MAP2K6: variants seen among roughly 807,000 people sequenced by gnomAD.
MAP2K6 encodes dual specificity mitogen-activated protein kinase kinase 6.
Under a neutral mutation model 53.7 loss-of-function variants are expected in MAP2K6, and 16 were observed. The observed-to-expected ratio is 0.30, with a 90% CI of 0.20 to 0.45. The LOEUF is 0.45. Among genes scored for constraint, MAP2K6 ranks in the 20% least tolerant of loss-of-function variants. The probability of loss-of-function intolerance (pLI) is 1.00; values close to 1 mark genes in which losing one functional copy is unlikely to be tolerated. For missense variants in MAP2K6, 204 were observed against 411.9 expected, an observed-to-expected ratio of 0.50 and a Z score of 4.37; for synonymous variants, 132 against 143.1, an observed-to-expected ratio of 0.92 and a Z score of 0.55.
intron 1 of MAP2K6, among the ~76,000 whole-genome samples, chr17:69,463,766 C>G (rs1907708893): frequency 6.6e-6 from 1 of 151,728 alleles, no homozygotes; most frequent in Non-Finnish European, 1.5e-5. Flanking sequence ...TAAGCTATAA[C>G]CAACAATTTG....
chr17:69,526,505 A>C, intron 9 of MAP2K6, 65 bp from the exon 10 acceptor site: 2 of 1,561,134 alleles, frequency 1.3e-6, no homozygotes, highest in South Asian at 2.4e-5. Flanking sequence ...CACAAATGAA[A>C]CGTGGGTGAT....
At chr17:69,527,819 T>A (rs1388470004) in intron 10 of MAP2K6, among the ~76,000 whole-genome samples, 1 of 152,090 alleles carries the variant, frequency 6.6e-6, no homozygotes, top group Non-Finnish European at 1.5e-5. Context: ...TCAGCCTCCA[T>A]GGTTTTTAGA....
intron 1 of MAP2K6, among the ~76,000 whole-genome samples, chr17:69,469,134 T>G (rs1441316033): frequency 2.0e-5 from 3 of 152,188 alleles, no homozygotes; most frequent in Non-Finnish European, 4.4e-5. Context: ...TGGCTGTCAG[T>G]TGAGGACTGT....
chr17:69,541,645 TA>T (rs770026686), intron 11 of MAP2K6, 30 bp from the exon 12 acceptor site: 1 of 1,523,726 alleles, frequency 6.6e-7, no homozygotes, highest in African/African-American at 1.4e-5. Flanking sequence ...AGTAAGACAT[TA>T]ATACCATGTT....
rs1404850552 is a variant in MAP2K6 at position 69,441,030 on chromosome 17, C to A, written c.16+26030C>A. Among the ~76,000 whole-genome samples the A allele has an allele frequency of 9.9e-5, 15 of 152,046 alleles. No individual in the cohort carries two copies. In the East Asian group the frequency reaches 2.3e-3, roughly 23 times the overall value. ...TATGTGTGTGTGCAGATAATATATA[C>A]CTTTCTCAAATGTCAGCCATTACAT... On this transcript the variant is annotated intron_variant, in intron 1 of 11. Transcript: ENST00000590474.
chr17:69,538,395 T>C (rs1238810314), intron 11 of MAP2K6, among the ~76,000 whole-genome samples: 1 of 152,214 alleles, frequency 6.6e-6, no homozygotes, highest in Non-Finnish European at 1.5e-5. Context: ...TGTTATAAAA[T>C]CATGTCAGTC....
intron 1 of MAP2K6, among the ~76,000 whole-genome samples, chr17:69,415,815 CTG>C (rs1395969934): frequency 6.6e-6 from 1 of 152,188 alleles, no homozygotes; most frequent in Non-Finnish European, 1.5e-5. Flanking sequence ...AAGTGTGTAA[CTG>C]CGTGTATTTA....
At chr17:69,534,825 T>C (rs940755808) in intron 10 of MAP2K6, among the ~76,000 whole-genome samples, 1 of 152,176 alleles carries the variant, frequency 6.6e-6, no homozygotes, top group Non-Finnish European at 1.5e-5. Context: ...CAAAGCTCCT[T>C]TCCATTCATG....
chr17:69,498,340 C>A (rs1909023770), intron 1 of MAP2K6, among the ~76,000 whole-genome samples: 1 of 152,098 alleles, frequency 6.6e-6, no homozygotes, highest in African/African-American at 2.4e-5. Flanking sequence ...ATGTGGTAGA[C>A]AAGGGCTACT....
chr17:69,524,991 A>G lies in MAP2K6; in HGVS notation c.741+13A>G, dbSNP rs1291945555. On this transcript the variant is annotated intron_variant, in intron 9 of 11. Transcript: ENST00000590474. ...GGGCATCACGATGGTAGTGTATGCC[A>G]ATCATCATGAACTATGAGGTTGTGG... The G allele has an allele frequency of 4.4e-6, 7 of 1,601,216 alleles. No homozygotes were observed. Among genetic ancestry groups the G allele is most frequent in the Non-Finnish European group, 5.1e-6 (6 of 1,168,746 alleles).
At chr17:69,463,616 C>CTATA (rs1555603874) in intron 1 of MAP2K6, among the ~76,000 whole-genome samples, 96 of 149,914 alleles carry the variant, frequency 6.4e-4, no homozygotes, top group African/African-American at 2.4e-3. Context: ...CTCTCTCTCT[C>CTATA]TATATATATA....
chr17:69,423,051 T>C (rs1189271563), intron 1 of MAP2K6, among the ~76,000 whole-genome samples: 1 of 151,972 alleles, frequency 6.6e-6, no homozygotes, highest in Non-Finnish European at 1.5e-5. Context: ...GCCCAGCTAA[T>C]TTTTTGTATT....
intron 1 of MAP2K6, among the ~76,000 whole-genome samples, chr17:69,470,306 T>A (rs1020547385): frequency 3.3e-5 from 5 of 152,240 alleles, no homozygotes; most frequent in Non-Finnish European, 5.9e-5. Flanking sequence ...AGCATTTTTT[T>A]AGGCAAATAC....
chr17:69,467,569 A>T (rs1304545305), intron 1 of MAP2K6, among the ~76,000 whole-genome samples: 3 of 152,032 alleles, frequency 2.0e-5, no homozygotes, highest in African/African-American at 7.2e-5. Flanking sequence ...TTCCATTTTC[A>T]CTGTTGCTAG....
At chr17:69,487,292 G>A (rs1908577587) in intron 1 of MAP2K6, among the ~76,000 whole-genome samples, 1 of 152,200 alleles carries the variant, frequency 6.6e-6, no homozygotes, top group African/African-American at 2.4e-5. Context: ...ATCTGTACAA[G>A]CTCTGTGTAT....
At chr17:69,528,764 C>T (rs1910918563) in intron 10 of MAP2K6, among the ~76,000 whole-genome samples, 1 of 144,084 alleles carries the variant, frequency 6.9e-6, no homozygotes. Flanking sequence ...GAGATTGATG[C>T]AGGAGAATTG....
At chr17:69,536,245 C>G in intron 11 of MAP2K6, 85 bp downstream of exon 11, 1 of 960,896 alleles carries the variant, frequency 1.0e-6, no homozygotes, top group African/African-American at 1.6e-5. Context: ...CATCACATCA[C>G]CATATTGGAA....
chr17:69,511,985 C>T (rs552737379), intron 2 of MAP2K6, among the ~76,000 whole-genome samples: 1 of 152,260 alleles, frequency 6.6e-6, no homozygotes, highest in Admixed American at 6.5e-5. Flanking sequence ...TCTCAAAAAA[C>T]AAACAAACAA....
At chr17:69,415,098 G>A in intron 1 of MAP2K6, 98 bp downstream of exon 1, 1 of 1,187,782 alleles carries the variant, frequency 8.4e-7, no homozygotes, top group Non-Finnish European at 1.2e-6. Context: ...GCATTTTTAA[G>A]TTTGAGGTTT....
Sources: allele counts gnomAD v4.1 joint callset (sites outside exome capture counted in the v4.1 genomes callset), GRCh38; gene constraint gnomAD v4.1.1; transcripts MANE v1.5; gene names NCBI Gene and HGNC (gene_info 2026-07-23, HGNC 2026-07-21).